LRBA: variants seen among roughly 807,000 people sequenced by gnomAD.
The protein encoded by LRBA is lipopolysaccharide-responsive and beige-like anchor protein.
In LRBA, 176 loss-of-function variants were observed where a neutral mutation model predicts 330.0. The observed-to-expected ratio is 0.53, with a 90% confidence interval of 0.47 to 0.60. The LOEUF (loss-of-function observed/expected upper bound fraction) is 0.60, where lower values mean the gene tolerates loss of function less well. LRBA is among the 20% of genes least tolerant of loss of function. The pLI, the probability that LRBA is intolerant of heterozygous loss-of-function variation, is 0.00. For missense variants in LRBA, 3,259 were observed against 3,444.8 expected, an observed-to-expected ratio of 0.95 and a Z score of 1.35; for synonymous variants, 1,230 against 1,193.0, an observed-to-expected ratio of 1.03 and a Z score of -0.64.
chr4:150,856,739 A>G (rs2126939373), intron 22 of LRBA, among the ~76,000 whole-genome samples: 1 of 152,316 alleles, frequency 6.6e-6, no homozygotes, highest in Middle Eastern at 3.4e-3. Context: ...GATAATTTCC[A>G]ATTAATTGCC....
chr4:150,509,942 G>C (rs1761641151), intron 40 of LRBA, among the ~76,000 whole-genome samples: 1 of 152,180 alleles, frequency 6.6e-6, no homozygotes, highest in South Asian at 2.1e-4. Flanking sequence ...TTCGAGACCA[G>C]CCTGGCCAAC....
Position 150,588,148 on chromosome 4 carries a change from G to C in LRBA, c.6230C>G (p.Ala2077Gly), listed in dbSNP as rs748043780. Residue 2077 changes from alanine (A) to glycine (G), a missense_variant, in exon 40 of 57, where the codon GCC becomes GGC. Transcript: ENST00000651943. The stretch of plus-strand genomic sequence containing the variant: ...AGTGCCCTTTACTACAACAGAGGGG[G>C]CCACAAGCTGAGCTGGTGTGCTCAG... ...VSLSTPAQLV[A>G]PSVVVKGTLS... The C allele has an allele frequency of 1.9e-6, 3 of 1,611,060 alleles. No homozygotes were observed. Among genetic ancestry groups the C allele is most frequent in the Non-Finnish European group, 2.5e-6 (3 of 1,178,640 alleles).
chr4:150,349,886 T>A, intron 48 of LRBA, 106 bp downstream of exon 48: 1 of 958,820 alleles, frequency 1.0e-6, no homozygotes, highest in South Asian at 1.6e-5. Context: ...ACATCTAGTT[T>A]CACTTTCTTC....
At chr4:150,948,876 A>G (rs1227864394) in intron 2 of LRBA, among the ~76,000 whole-genome samples, 1 of 152,030 alleles carries the variant, frequency 6.6e-6, no homozygotes, top group Non-Finnish European at 1.5e-5. Flanking sequence ...AATGCAAATT[A>G]AGACCACAGT....
intron 31 of LRBA, among the ~76,000 whole-genome samples, chr4:150,815,039 A>T (rs1744354151): frequency 2.0e-5 from 3 of 151,942 alleles, no homozygotes; most frequent in Non-Finnish European, 4.4e-5. Flanking sequence ...AAAGCAATCA[A>T]AGGGTCCTAT....
chr4:150,780,363 A>T (rs981196568), intron 34 of LRBA, among the ~76,000 whole-genome samples: 4 of 152,064 alleles, frequency 2.6e-5, no homozygotes, highest in Non-Finnish European at 5.9e-5. Flanking sequence ...AATTTTCCAA[A>T]CCTCATAATA....
chr4:150,545,139 T>C (rs1319920936), intron 40 of LRBA, among the ~76,000 whole-genome samples: 1 of 152,180 alleles, frequency 6.6e-6, no homozygotes, highest in Non-Finnish European at 1.5e-5. Context: ...TTAAAAACGA[T>C]GAAGCATTTC....
intron 34 of LRBA, among the ~76,000 whole-genome samples, chr4:150,766,163 G>A (rs538111573): frequency 6.6e-6 from 1 of 151,936 alleles, no homozygotes; most frequent in Admixed American, 6.6e-5. Flanking sequence ...GAAATAAAAT[G>A]TTCTCATTAA....
intron 56 of LRBA, among the ~76,000 whole-genome samples, chr4:150,266,295 A>C (rs1380331142): frequency 6.6e-6 from 1 of 152,212 alleles, no homozygotes; most frequent in East Asian, 1.9e-4. Context: ...GAAAAAGAAG[A>C]GTGTTGTTGA....
chr4:150,633,599 G>T (rs1317401224), intron 37 of LRBA, among the ~76,000 whole-genome samples: 1 of 152,196 alleles, frequency 6.6e-6, no homozygotes, highest in African/African-American at 2.4e-5. Context: ...ACACACTGCA[G>T]TCAGGGGGTT....
intron 36 of LRBA, among the ~76,000 whole-genome samples, chr4:150,701,862 G>C (rs1405389485): frequency 6.6e-6 from 1 of 152,134 alleles, no homozygotes; most frequent in African/African-American, 2.4e-5. Flanking sequence ...TATCAAGGGA[G>C]GAATGTGGGA....
chr4:150,957,435 T>C (rs1737656573), intron 2 of LRBA, among the ~76,000 whole-genome samples: 1 of 148,368 alleles, frequency 6.7e-6, no homozygotes, highest in Admixed American at 6.6e-5. Context: ...CATGATTCAA[T>C]TACCTCCCAC....
chr4:150,435,663 CAAATTTGCCTCCTTGCAAATTT>C lies in LRBA; in HGVS notation c.6945_6966del (p.Asn2316IlefsTer27). 3.1e-6 allele frequency: 5 copies of C among 1,612,386 alleles called. No homozygotes were observed. The highest frequency in any genetic ancestry group is 3.4e-6 in the Non-Finnish European group (4 of 1,179,212). On this transcript the variant is annotated frameshift_variant, in exon 46 of 57. Transcript: ENST00000651943. LOFTEE classifies it high-confidence loss of function. ...GATGAAAAAGTTCGATCTGCATGAT[CAAATTTGCCTCCTTGCAAATTT>C]AGGAAATAAGTTGTAAAGGGTTCCT...
At chr4:150,567,120 C>T (rs935732895) in intron 40 of LRBA, among the ~76,000 whole-genome samples, 2 of 152,166 alleles carry the variant, frequency 1.3e-5, no homozygotes, top group Non-Finnish European at 1.5e-5. Flanking sequence ...AATTTCCTGA[C>T]TATATAACAT....
Position 150,935,217 on chromosome 4 carries a change from T to C in LRBA, c.217-6152A>G, listed in dbSNP as rs530794221. Among the ~76,000 whole-genome samples, 3 of 151,846 alleles carry C rather than the reference T, an allele frequency of 2.0e-5. No individual in the cohort carries two copies. In the South Asian group the frequency reaches 6.2e-4, roughly 32 times the overall value. On this transcript the variant is annotated intron_variant, in intron 2 of 56. Transcript: ENST00000651943. ...AGAAGAAAAGAAAATACTAGACTTC[T>C]GGTTTCCAAACTGGAAATCTCTTTC...
intron 38 of LRBA, among the ~76,000 whole-genome samples, chr4:150,593,180 A>G (rs1041932515): frequency 2.6e-5 from 4 of 152,182 alleles, no homozygotes; most frequent in African/African-American, 9.6e-5. Flanking sequence ...AAAGTAAATT[A>G]TAATAAATTA....
intron 53 of LRBA, among the ~76,000 whole-genome samples, chr4:150,286,434 G>A (rs952336185): frequency 3.3e-5 from 5 of 152,104 alleles, no homozygotes; most frequent in African/African-American, 4.8e-5. Flanking sequence ...CATCCTTTGT[G>A]GGCCGCTGAA....
intron 56 of LRBA, among the ~76,000 whole-genome samples, chr4:150,269,630 CA>C (rs1387935775): frequency 1.3e-5 from 2 of 152,038 alleles, no homozygotes; most frequent in African/African-American, 4.8e-5. Context: ...AAACTCATAA[CA>C]AAAAATAGGA....
intron 37 of LRBA, among the ~76,000 whole-genome samples, chr4:150,651,238 T>C (rs1779680147): frequency 6.6e-6 from 1 of 152,090 alleles, no homozygotes; most frequent in South Asian, 2.1e-4. Context: ...GGAAAACACC[T>C]TGGTATGAAG....
Sources: allele counts gnomAD v4.1 joint callset (sites outside exome capture counted in the v4.1 genomes callset), GRCh38; gene constraint gnomAD v4.1.1; transcripts MANE v1.5; gene names NCBI Gene and HGNC (gene_info 2026-07-23, HGNC 2026-07-21).